Variants in APOB observed in about 807,000 individuals in gnomAD.
APOB encodes apolipoprotein B-100.
APOB carries 153 observed loss-of-function variants against 314.1 expected under a neutral mutation model. That is an observed-to-expected ratio of 0.49 (90% CI 0.43 to 0.56). APOB has a LOEUF of 0.56. APOB is among the 20% of genes least tolerant of loss of function. The probability of loss-of-function intolerance (pLI) is 0.00; values close to 1 mark genes in which losing one functional copy is unlikely to be tolerated. For synonymous variants in APOB, 2,087 were observed against 2,036.4 expected (o/e 1.02, Z -0.67); for missense variants, 5,430 against 5,350.7 (o/e 1.01, Z -0.46).
At chr2:21,029,857 G>T in intron 11 of APOB, 41 bp downstream of exon 11, 1 of 1,609,074 alleles carries the variant, frequency 6.2e-7, no homozygotes, top group Non-Finnish European at 8.5e-7. Flanking sequence ...CAGGAAAAGT[G>T]CTTCTGAAAT....
At chr2:21,020,494 C>T (rs12713997) in intron 18 of APOB, among the ~76,000 whole-genome samples, 1 of 152,208 alleles carries the variant, frequency 6.6e-6, no homozygotes, top group African/African-American at 2.4e-5. Context: ...GTCTCTAATG[C>T]CCTCCTTGCT....
At position 21,011,539 on chromosome 2, in the gene APOB, C is replaced by T. The variant is rs938420217; in HGVS notation, c.5329G>A (p.Asp1777Asn). The change falls in exon 26 of 29, where the codon GAC becomes AAC. Residue 1777 changes from aspartate (D) to asparagine (N), a missense_variant. Transcript: ENST00000233242. Reference protein sequence around the residue: ...SSKLDNIYSSDKFYKQTVNLQ... With the variant: ...SSKLDNIYSSNKFYKQTVNLQ... ...TTAACAGTTTGCTTATAAAACTTGT[C>T]AGAGCTGTAAATGTTGTCAAGTTTT... is the stretch of plus-strand genomic sequence containing the variant. 1 of 1,614,060 alleles carries T rather than the reference C, an allele frequency of 6.2e-7. No individual in the cohort carries two copies. The highest frequency in any genetic ancestry group is 8.5e-7 in the Non-Finnish European group (1 of 1,179,984).
At position 21,009,480 on chromosome 2, in the gene APOB, G is replaced by T; in HGVS notation, c.7388C>A (p.Ala2463Asp). 1 of 1,614,076 alleles carries T rather than the reference G, an allele frequency of 6.2e-7. No homozygotes were observed. The highest frequency in any genetic ancestry group is 1.6e-4 in the Middle Eastern group (1 of 6,062). Residue 2463 changes from alanine (A) to aspartate (D), a missense_variant, in exon 26 of 29, where the codon GCT becomes GAT. Around this residue, in one of 3 missense-constraint regions of APOB, gnomAD observed 3,281 missense variants for 3,171.0 expected, o/e 1.03. Coordinates refer to ENST00000233242, the MANE Select transcript of APOB (RefSeq NM_000384.3). ...CTCTAAAAACAGTTTTAATGCTTCAGCTTTTTGTGGTAGTTCCAGAGCCTG... is the reference window on the plus strand; with the variant it reads ...CTCTAAAAACAGTTTTAATGCTTCATCTTTTTGTGGTAGTTCCAGAGCCTG... ...EIQALELPQK[A>D]EALKLFLEET...
chr2:21,010,942 C>T lies in APOB; in HGVS notation c.5926G>A (p.Glu1976Lys). 2 of 1,614,132 alleles carry T rather than the reference C, an allele frequency of 1.2e-6. No homozygotes were observed. Among genetic ancestry groups the T allele is most frequent in the African/African-American group, 2.7e-5 (2 of 75,026 alleles). ...TTGAGTTTCCAGGTGCCTGTCTGCT[C>T]AGCTGGAGTAAGCAGGGCACTGACT... The part of the protein sequence containing the change: ...HKVSALLTPA[E>K]QTGTWKLKTQ... The change falls in exon 26 of 29, where the codon GAG becomes AAG. Residue 1976 changes from glutamate (E) to lysine (K), a missense_variant. By Grantham distance (56) the Glu-to-Lys change is moderately conservative. Around this residue, in one of 3 missense-constraint regions of APOB, gnomAD observed 3,281 missense variants for 3,171.0 expected, o/e 1.03. Coordinates refer to ENST00000233242, the MANE Select transcript of APOB (RefSeq NM_000384.3).
At chr2:21,034,004 A>G (rs1663942201) in intron 8 of APOB, among the ~76,000 whole-genome samples, 1 of 152,242 alleles carries the variant, frequency 6.6e-6, no homozygotes, top group Non-Finnish European at 1.5e-5. Flanking sequence ...GCTACTGTTG[A>G]CATGGTTACA....
chr2:21,005,929 G>A lies in APOB; in HGVS notation c.10939C>T (p.Gln3647Ter). 6.2e-7 allele frequency: 1 copy of A among 1,613,884 alleles called. No individual in the cohort carries two copies. The change falls in exon 26 of 29, where the codon CAG (glutamine) becomes TAG (stop). Residue 3647 changes from glutamine to a stop codon, truncating the protein, a stop_gained. Transcript: ENST00000233242. LOFTEE classifies it high-confidence loss of function. ...TCTTGGTCATTGGAAAGCTCGACCT[G>A]GCTCTGGAAAGACCCAGAATGAATC... ...VRIHSGSFQS[Q>*]VELSNDQEKA...
At chr2:21,023,333 C>A (rs1213955595) in intron 17 of APOB, among the ~76,000 whole-genome samples, 192 bp downstream of exon 17, 1 of 152,122 alleles carries the variant, frequency 6.6e-6, no homozygotes, top group African/African-American at 2.4e-5. Flanking sequence ...TATGGCCATA[C>A]CACTACTGGA....
At position 21,018,855 on chromosome 2, in the gene APOB, T is replaced by A. The variant is rs1663534440; in HGVS notation, c.3121+137A>T. Reference sequence around the variant, plus strand: ...TTATTGGGTACTCAGTTAACCCAGGTCTTAGAATAGGCCTGCCGCTTAGTG... The same window carrying A: ...TTATTGGGTACTCAGTTAACCCAGGACTTAGAATAGGCCTGCCGCTTAGTG... On this transcript the variant is annotated intron_variant, in intron 20 of 28. Coordinates refer to ENST00000233242, the MANE Select transcript of APOB (RefSeq NM_000384.3). 5.5e-6 allele frequency: 7 copies of A among 1,267,650 alleles called. No individual in the cohort carries two copies. In the South Asian group the frequency reaches 7.5e-5, roughly 14 times the overall value. 78.5% of individuals were successfully genotyped at this position (1,267,650 alleles called of 1,614,324 possible).
chr2:21,028,067 T>A lies in APOB; in HGVS notation c.1830-2A>T. On this transcript the variant is annotated splice_acceptor_variant, in intron 13 of 28. Transcript: ENST00000233242. LOFTEE classifies it high-confidence loss of function. ...GCTTCTTTCACTAACTTTTTCAGAC[T>A]AGATAAGAAGAAGTATATTTTGAGC... 6.3e-7 allele frequency: 1 copy of A among 1,581,582 alleles called. No homozygotes were observed.
intron 17 of APOB, among the ~76,000 whole-genome samples, chr2:21,023,255 C>T (rs559566545): frequency 7.9e-5 from 12 of 152,218 alleles, no homozygotes; most frequent in Admixed American, 4.6e-4. Flanking sequence ...CCTGAGTTAA[C>T]GTGAGGCAAA....
At position 21,003,089 on chromosome 2, in the gene APOB, A is replaced by G. The variant is rs1663036263; in HGVS notation, c.12333T>C (p.Asn4111=). ...TGGCCCCTTGATAAACCCACTCAGCATTGTTCTGCAGATTTCTTCTCAGCT... is the reference window on the plus strand; with the variant it reads ...TGGCCCCTTGATAAACCCACTCAGCGTTGTTCTGCAGATTTCTTCTCAGCT... ...SSKLRRNLQN[N]AEWVYQGAIR... The change falls in exon 29 of 29, where the codon AAT becomes AAC. Residue 4111 remains asparagine (N), a synonymous_variant. Coordinates refer to ENST00000233242, the MANE Select transcript of APOB (RefSeq NM_000384.3). 4 of 1,592,138 alleles carry G rather than the reference A, an allele frequency of 2.5e-6. No homozygotes were observed. The highest frequency in any genetic ancestry group is 2.6e-6 in the Non-Finnish European group (3 of 1,168,384).
Position 21,008,891 on chromosome 2 carries a change from A to T in APOB, c.7977T>A (p.Pro2659=). 6.2e-7 allele frequency: 1 copy of T among 1,614,102 alleles called. No homozygotes were observed. Among genetic ancestry groups the T allele is most frequent in the African/African-American group, 1.3e-5 (1 of 75,066 alleles). The change falls in exon 26 of 29, where the codon CCT becomes CCA. Residue 2659 remains proline (P), a synonymous_variant. Coordinates refer to ENST00000233242, the MANE Select transcript of APOB (RefSeq NM_000384.3). ...EFTILNTFHI[P]SFTIDFVEMK... is the part of the protein sequence containing the mutation. ...TTTCTACAAAGTCAATTGTAAAGGA[A>T]GGAATGTGGAAGGTGTTAAGGATGG... is the stretch of plus-strand genomic sequence containing the variant.
chr2:21,030,224 A>G (rs1663840679), intron 10 of APOB, among the ~76,000 whole-genome samples: 1 of 152,258 alleles, frequency 6.6e-6, no homozygotes, highest in Admixed American at 6.5e-5. Flanking sequence ...ATAGTAATCT[A>G]AACAGCATGG....
chr2:21,016,709 G>T, intron 20 of APOB, 60 bp from the exon 21 acceptor site: 4 of 1,157,838 alleles, frequency 3.5e-6, no homozygotes, highest in Non-Finnish European at 2.6e-6. Context: ...TTTGGGCCGG[G>T]TGCGGTGGCT....
Position 21,010,285 on chromosome 2 carries a change from T to C in APOB, c.6583A>G (p.Lys2195Glu). 6.5e-7 allele frequency: 1 copy of C among 1,550,126 alleles called. No individual in the cohort carries two copies. Among genetic ancestry groups the C allele is most frequent in the Non-Finnish European group, 8.7e-7 (1 of 1,149,952 alleles). ...TCAATAATATTAGCAATAGCTATTT[T>C]CAAATCATGTAAATCATAACTATCT... Reference protein sequence around the residue: ...IKDSYDLHDLKIAIANIIDEI... With the variant: ...IKDSYDLHDLEIAIANIIDEI... The change falls in exon 26 of 29, where the codon AAA becomes GAA. Residue 2195 changes from lysine to glutamate, a missense_variant. Physicochemically the swap from Lys to Glu is moderately conservative, Grantham distance 56 (BLOSUM62 1). Transcript: ENST00000233242.
chr2:21,040,446 G>A (rs1664102198), intron 4 of APOB, among the ~76,000 whole-genome samples: 1 of 152,200 alleles, frequency 6.6e-6, no homozygotes, highest in South Asian at 2.1e-4. Flanking sequence ...CATGGGCCCT[G>A]ACCAGTCAGC....
intron 12 of APOB, 130 bp downstream of exon 12, chr2:21,029,493 GAGGAAGGAAGGAAGGA>G: frequency 3.7e-6 from 3 of 805,108 alleles, no homozygotes; most frequent in Non-Finnish European, 6.2e-6. Context: ...GGGAGGGAGG[GAGGAAGGAAGGAAGGA>G]AGGAAGGAAG....
chr2:21,003,275 A>T lies in APOB; in HGVS notation c.12147T>A (p.Asp4049Glu). 2 of 1,613,932 alleles carry T rather than the reference A, an allele frequency of 1.2e-6. No homozygotes were observed. The highest frequency in any genetic ancestry group is 1.7e-4 in the Middle Eastern group (1 of 6,060). Residue 4049 changes from aspartate (D) to glutamate (E), a missense_variant, in exon 29 of 29, where the codon GAT (aspartate) becomes GAA (glutamate). Physicochemically the swap from Asp to Glu is conservative, Grantham distance 45. Coordinates refer to ENST00000233242, the MANE Select transcript of APOB (RefSeq NM_000384.3). ...FKTELRVRES[D>E]EETQIKVNWE... ...AATTAACTTTGATCTGAGTTTCCTC[A>T]TCAGATTCCCGGACCCTCAACTCAG...
intron 4 of APOB, among the ~76,000 whole-genome samples, chr2:21,038,433 A>T (rs1664058183): frequency 6.6e-6 from 1 of 151,776 alleles, no homozygotes; most frequent in South Asian, 2.1e-4. Context: ...ACCTCCTGGG[A>T]TCAAGTGATT....
Sources: allele counts gnomAD v4.1 joint callset (sites outside exome capture counted in the v4.1 genomes callset), GRCh38; gene constraint gnomAD v4.1.1; regional missense constraint gnomAD v4.1.1; transcripts MANE v1.5; gene names NCBI Gene and HGNC (gene_info 2026-07-23, HGNC 2026-07-21).